Variants in GABRG3 observed in about 807,000 individuals in gnomAD.
GABRG3 encodes the protein gamma-aminobutyric acid receptor subunit gamma-3.
Under a neutral mutation model 48.8 loss-of-function variants are expected in GABRG3, and 25 were observed. The observed-to-expected ratio is 0.51, with a 90% CI of 0.37 to 0.72. The LOEUF (loss-of-function observed/expected upper bound fraction) is 0.72. GABRG3 is among the 30% of genes least tolerant of loss of function. The pLI is 0.00. For missense variants in GABRG3, 394 were observed against 577.9 expected, an observed-to-expected ratio of 0.68 and a Z score of 3.26; for synonymous variants, 227 against 217.6, an observed-to-expected ratio of 1.04 and a Z score of -0.38.
At chr15:27,003,819 C>T in intron 2 of GABRG3, among the ~76,000 whole-genome samples, 1 of 151,188 alleles carries the variant, frequency 6.6e-6, no homozygotes, top group South Asian at 2.1e-4. Context: ...GCGCCCCTCA[C>T]CTCCAGGACG....
chr15:27,154,864 G>A (rs897433545), intron 3 of GABRG3, among the ~76,000 whole-genome samples: 8 of 151,872 alleles, frequency 5.3e-5, no homozygotes, highest in East Asian at 3.9e-4. Flanking sequence ...ATTTAGCAAC[G>A]TTCCTTCCTT....
intron 3 of GABRG3, among the ~76,000 whole-genome samples, chr15:27,056,154 G>T (rs1353125441): frequency 6.6e-6 from 1 of 151,770 alleles, no homozygotes; most frequent in Non-Finnish European, 1.5e-5. Context: ...TTCGAGATCA[G>T]CCTGGGCAAC....
chr15:27,493,337 A>G (rs1385495681), intron 6 of GABRG3, among the ~76,000 whole-genome samples: 1 of 152,182 alleles, frequency 6.6e-6, no homozygotes, highest in East Asian at 1.9e-4. Context: ...CTTAAATTCT[A>G]TCTCCTAGTA....
At chr15:27,301,406 A>G (rs1566764168) in intron 3 of GABRG3, among the ~76,000 whole-genome samples, 1 of 152,124 alleles carries the variant, frequency 6.6e-6, no homozygotes, top group African/African-American at 2.4e-5. Context: ...ACTACAGTTT[A>G]TCTGGTTTCC....
chr15:27,008,145 A>G (rs1338482541), intron 2 of GABRG3, among the ~76,000 whole-genome samples: 1 of 152,220 alleles, frequency 6.6e-6, no homozygotes, highest in African/African-American at 2.4e-5. Context: ...TAGCTAAATA[A>G]TTATATTTTA....
At chr15:27,025,225 A>G (rs1336279425) in intron 2 of GABRG3, among the ~76,000 whole-genome samples, 1 of 152,124 alleles carries the variant, frequency 6.6e-6, no homozygotes, top group Non-Finnish European at 1.5e-5. Flanking sequence ...ATTTAATGAT[A>G]TACAAATCTC....
At chr15:27,219,429 A>G (rs1182298490) in intron 3 of GABRG3, among the ~76,000 whole-genome samples, 1 of 152,172 alleles carries the variant, frequency 6.6e-6, no homozygotes, top group Admixed American at 6.5e-5. Context: ...TAAGTTGTGG[A>G]ACTGAGTGAG....
rs1893506447 is a variant in GABRG3 at position 27,323,646 on chromosome 15, GT to G, written c.271-3161del. Among the ~76,000 whole-genome samples the G allele has an allele frequency of 5.3e-5, 8 of 152,280 alleles. No homozygotes were observed. The South Asian group carries it at 1.7e-3, about 32-fold the overall frequency. The stretch of plus-strand genomic sequence containing the variant: ...GAAGGCAGCTGTCAGCTCACAGTCT[GT>G]TCTGCAGGGATGCCTTTGAACTTGC... On this transcript the variant is annotated intron_variant, in intron 3 of 9. Coordinates refer to ENST00000615808, the MANE Select transcript of GABRG3 (RefSeq NM_033223.5).
At chr15:27,355,095 C>A (rs910651342) in intron 5 of GABRG3, among the ~76,000 whole-genome samples, 1 of 152,172 alleles carries the variant, frequency 6.6e-6, no homozygotes, top group Non-Finnish European at 1.5e-5. Context: ...AGCTAAAGGC[C>A]TGTCTCAGCT....
intron 5 of GABRG3, among the ~76,000 whole-genome samples, chr15:27,469,390 G>C (rs1001094202): frequency 1.3e-5 from 2 of 151,992 alleles, no homozygotes; most frequent in African/African-American, 4.8e-5. Flanking sequence ...GCACAGGCTA[G>C]AGTGCAGTGG....
chr15:27,159,123 TTA>T (rs71413301), intron 3 of GABRG3, among the ~76,000 whole-genome samples: 34,126 of 152,040 alleles, frequency 0.22, 4,990 homozygotes, highest in Non-Finnish European at 0.32. Flanking sequence ...GCTATAAAAC[TTA>T]TATTTATCTA....
chr15:27,069,964 C>G (rs181389559), intron 3 of GABRG3, among the ~76,000 whole-genome samples: 1 of 152,190 alleles, frequency 6.6e-6, no homozygotes, highest in Non-Finnish European at 1.5e-5. Flanking sequence ...GTAATTCTAT[C>G]GTTTCCATTG....
intron 5 of GABRG3, among the ~76,000 whole-genome samples, chr15:27,439,360 T>C (rs1888713329): frequency 6.6e-6 from 1 of 152,204 alleles, no homozygotes; most frequent in Non-Finnish European, 1.5e-5. Context: ...CTTGATTATA[T>C]GATTACATTG....
rs539563537 is a variant in GABRG3, at chr15:27,214,450, T to C, written c.271-112359T>C. ...CGGTTAAATACTCAAACAAAAACAG[T>C]GTAGGCATTTAGGGCGATAGCCTCT... is the stretch of plus-strand genomic sequence containing the variant. On this transcript the variant is annotated intron_variant, in intron 3 of 9. Coordinates refer to ENST00000615808, the MANE Select transcript of GABRG3 (RefSeq NM_033223.5). Among the ~76,000 whole-genome samples the C allele has an allele frequency of 3.3e-5, 5 of 152,272 alleles. No individual in the cohort carries two copies. In the South Asian group the frequency reaches 8.3e-4, roughly 25 times the overall value.
At chr15:27,381,683 A>G (rs1000705320) in intron 5 of GABRG3, among the ~76,000 whole-genome samples, 7 of 152,222 alleles carry the variant, frequency 4.6e-5, no homozygotes, top group Non-Finnish European at 7.3e-5. Flanking sequence ...TGATTTTTCA[A>G]TGAGAATAAG....
chr15:27,325,010 A>G (rs1278033003), intron 3 of GABRG3, among the ~76,000 whole-genome samples: 1 of 116,198 alleles, frequency 8.6e-6, no homozygotes, highest in Non-Finnish European at 1.6e-5. Flanking sequence ...GGACTTTGGC[A>G]CTGCAAAGTC....
At chr15:27,516,517 C>T (rs1455512320) in intron 6 of GABRG3, among the ~76,000 whole-genome samples, 1 of 152,194 alleles carries the variant, frequency 6.6e-6, no homozygotes, top group African/African-American at 2.4e-5. Flanking sequence ...CTTACCTGAA[C>T]CTGCCTCAGT....
chr15:27,191,357 C>CT (rs1888296910), intron 3 of GABRG3, among the ~76,000 whole-genome samples: 1 of 152,150 alleles, frequency 6.6e-6, no homozygotes. Context: ...GCGTGGGAGT[C>CT]TAAGTCTCTT....
At chr15:27,099,330 A>G (rs188830391) in intron 3 of GABRG3, among the ~76,000 whole-genome samples, 1 of 152,174 alleles carries the variant, frequency 6.6e-6, no homozygotes, top group Admixed American at 6.5e-5. Context: ...TTTTCTCACC[A>G]TTCTGGAGGC....
Sources: allele counts gnomAD v4.1 joint callset (sites outside exome capture counted in the v4.1 genomes callset), GRCh38; gene constraint gnomAD v4.1.1; transcripts MANE v1.5; gene names NCBI Gene and HGNC (gene_info 2026-07-23, HGNC 2026-07-21).